ZMYM2: variants seen among roughly 807,000 people sequenced by gnomAD.
ZMYM2 encodes zinc finger MYM-type containing 2.
A neutral mutation model predicts 162.8 loss-of-function variants in ZMYM2; 56 were observed. The ratio of observed to expected loss-of-function variants is 0.34; its 90% CI spans 0.28 to 0.43. ZMYM2 has a LOEUF of 0.43. ZMYM2 is among the 20% of genes least tolerant of loss of function. The pLI is 1.00. For missense variants in ZMYM2, 1,275 were observed against 1,621.8 expected (o/e 0.79, Z 3.67); for synonymous variants, 510 against 541.6 (o/e 0.94, Z 0.81).
the ZMYM2 span, among the ~76,000 whole-genome samples, chr13:19,884,257 C>G: frequency 1.3e-5 from 2 of 152,056 alleles, no homozygotes; most frequent in Non-Finnish European, 2.9e-5. Flanking sequence ...AGTATTTATC[C>G]CTTCTGGTAG....
At chr13:19,939,149 G>A in the ZMYM2 span, among the ~76,000 whole-genome samples, 19 of 150,482 alleles carry the variant, frequency 1.3e-4, no homozygotes, top group African/African-American at 3.4e-4. Flanking sequence ...TCAGGCTCCC[G>A]AGTAACTGGG....
chr13:20,006,357 G>GT lies in ZMYM2; in HGVS notation c.1300-14dup, dbSNP rs764439188. ...AGATTGATCTGTTTTGTAAGATTTTGTTTATTTTTCTTTTAGATTCGCCAT... is the reference window on the plus strand; with the variant it reads ...AGATTGATCTGTTTTGTAAGATTTTGTTTTATTTTTCTTTTAGATTCGCCAT... On this transcript the variant is annotated splice_polypyrimidine_tract_variant and intron_variant, in intron 5 of 24. Coordinates refer to ENST00000610343, the MANE Select transcript of ZMYM2 (RefSeq NM_197968.4). 7 of 1,550,980 alleles carry GT rather than the reference G, an allele frequency of 4.5e-6. No homozygotes were observed. Among genetic ancestry groups the GT allele is most frequent in the Non-Finnish European group, 6.1e-6 (7 of 1,146,100 alleles).
At chr13:19,958,266 G>A (rs752575149), upstream of ZMYM2, among the ~76,000 whole-genome samples, 12 of 152,192 alleles carry the variant, frequency 7.9e-5, no homozygotes, top group Non-Finnish European at 1.3e-4. Context: ...GGGCATCGAG[G>A]CCGCGGCTCT....
chr13:19,912,210 A>AC, the ZMYM2 span, among the ~76,000 whole-genome samples: 1 of 151,414 alleles, frequency 6.6e-6, no homozygotes, highest in Non-Finnish European at 1.5e-5. Flanking sequence ...CAAGGCCAGT[A>AC]ATACACTCTC....
chr13:19,982,098 T>C (rs1957384579), intron 2 of ZMYM2, among the ~76,000 whole-genome samples: 1 of 152,168 alleles, frequency 6.6e-6, no homozygotes, highest in African/African-American at 2.4e-5. Context: ...TATCAGTTTA[T>C]TTTATACCTC....
chr13:19,878,392 A>C, the ZMYM2 span, among the ~76,000 whole-genome samples: 1 of 151,952 alleles, frequency 6.6e-6, no homozygotes, highest in Non-Finnish European at 1.5e-5. Flanking sequence ...AATTGATGTA[A>C]GGTGGTATCC....
intron 11 of ZMYM2, among the ~76,000 whole-genome samples, chr13:20,036,268 G>T (rs1177196421): frequency 4.7e-5 from 7 of 149,494 alleles, no homozygotes; most frequent in Non-Finnish European, 1.0e-4. Context: ...CAATAAATCT[G>T]TTTTTTTTTC....
chr13:19,885,938 T>TGTGTGTATACACAC, the ZMYM2 span, among the ~76,000 whole-genome samples: 56 of 79,224 alleles, frequency 7.1e-4, 7 homozygotes, highest in Non-Finnish European at 1.4e-3. Flanking sequence ...TGTATACACA[T>TGTGTGTATACACAC]ATATATGTAT....
intron 10 of ZMYM2, among the ~76,000 whole-genome samples, chr13:20,031,821 C>T (rs966902138): frequency 1.2e-4 from 18 of 150,254 alleles, no homozygotes; most frequent in African/African-American, 3.4e-4. Flanking sequence ...ATGTATCAGT[C>T]ATATACCACA....
intron 21 of ZMYM2, among the ~76,000 whole-genome samples, chr13:20,069,770 GTTTTC>G (rs1184865007): frequency 3.3e-5 from 5 of 151,176 alleles, no homozygotes; most frequent in Admixed American, 3.3e-4. Flanking sequence ...GTAGTTCAGA[GTTTTC>G]TTTTTTTAAC....
chr13:20,013,491 A>G (rs1951363964), intron 6 of ZMYM2, among the ~76,000 whole-genome samples: 2 of 152,232 alleles, frequency 1.3e-5, no homozygotes, highest in South Asian at 4.1e-4. Flanking sequence ...AGATGTGGTG[A>G]AAGTGGGCGT....
intron 21 of ZMYM2, among the ~76,000 whole-genome samples, chr13:20,074,738 C>T (rs960937354): frequency 2.6e-5 from 4 of 151,934 alleles, no homozygotes; most frequent in Non-Finnish European, 4.4e-5. Flanking sequence ...CGAGGTTTCA[C>T]CGTGTTAGCC....
At chr13:20,039,744 G>A (rs1392452144) in intron 12 of ZMYM2, among the ~76,000 whole-genome samples, 1 of 152,090 alleles carries the variant, frequency 6.6e-6, no homozygotes, top group African/African-American at 2.4e-5. Context: ...CTAAAGTGCT[G>A]GGATTACAGG....
At position 20,006,354 on chromosome 13, in the gene ZMYM2, T is replaced by A. The variant is rs1950750248; in HGVS notation, c.1300-20T>A. On this transcript the variant is annotated intron_variant, in intron 5 of 24. Coordinates refer to ENST00000610343, the MANE Select transcript of ZMYM2 (RefSeq NM_197968.4). ...GTCAGATTGATCTGTTTTGTAAGAT[T>A]TTGTTTATTTTTCTTTTAGATTCGC... 6.5e-7 allele frequency: 1 copy of A among 1,549,696 alleles called. No individual in the cohort carries two copies. The highest frequency in any genetic ancestry group is 8.7e-7 in the Non-Finnish European group (1 of 1,144,940).
intron 6 of ZMYM2, among the ~76,000 whole-genome samples, chr13:20,012,311 G>A (rs906935841): frequency 6.6e-6 from 1 of 152,124 alleles, no homozygotes; most frequent in Admixed American, 6.5e-5. Context: ...AAGTAGCTAG[G>A]ACTATAGGCA....
chr13:19,948,045 A>C, the ZMYM2 span, among the ~76,000 whole-genome samples: 1 of 152,204 alleles, frequency 6.6e-6, no homozygotes, highest in Non-Finnish European at 1.5e-5. Flanking sequence ...TAAAGAAAAC[A>C]AAAATGAGAT....
At position 20,086,079 on chromosome 13, in the gene ZMYM2, T is replaced by C. The variant is rs974839274; in HGVS notation, c.*65T>C. On this transcript the variant is annotated 3_prime_UTR_variant, in exon 25 of 25. Coordinates refer to ENST00000610343, the MANE Select transcript of ZMYM2 (RefSeq NM_197968.4). ...AGATAGTCATGCTGCTAGATCTTTA[T>C]TATGGAAAACATTTCAAGTTTACTC... The C allele has an allele frequency of 3.3e-6, 5 of 1,510,654 alleles. No individual in the cohort carries two copies. The Admixed American group carries it at 9.5e-5, about 29-fold the overall frequency. 93.6% of individuals were successfully genotyped at this position (1,510,654 alleles called of 1,614,324 possible).
chr13:19,876,177 C>T, the ZMYM2 span, among the ~76,000 whole-genome samples: 1 of 152,026 alleles, frequency 6.6e-6, no homozygotes, highest in Non-Finnish European at 1.5e-5. Flanking sequence ...CAGGCACCCA[C>T]CACCATGCCC....
chr13:19,915,275 T>G, the ZMYM2 span, among the ~76,000 whole-genome samples: 1 of 151,906 alleles, frequency 6.6e-6, no homozygotes, highest in Non-Finnish European at 1.5e-5. Flanking sequence ...AAAAAAATTT[T>G]AAAAGAGATA....
Sources: allele counts gnomAD v4.1 joint callset (sites outside exome capture counted in the v4.1 genomes callset), GRCh38; gene constraint gnomAD v4.1.1; transcripts MANE v1.5; gene names NCBI Gene and HGNC (gene_info 2026-07-23, HGNC 2026-07-21).